Variants in KHDRBS2 observed in about 807,000 individuals in gnomAD.
The protein encoded by KHDRBS2 is KH RNA binding domain containing, signal transduction associated 2.
In KHDRBS2, 26 loss-of-function variants were observed where a neutral mutation model predicts 44.3. That is an observed-to-expected ratio of 0.59 (90% CI 0.43 to 0.81). KHDRBS2 has a LOEUF of 0.81. KHDRBS2 is among the 40% of genes least tolerant of loss of function. The probability of loss-of-function intolerance (pLI) is 0.00; values close to 1 mark genes in which losing one functional copy is unlikely to be tolerated. For synonymous variants in KHDRBS2, 194 were observed against 151.1 expected, an observed-to-expected ratio of 1.28 and a Z score of -2.08; for missense variants, 476 against 433.1, an observed-to-expected ratio of 1.10 and a Z score of -0.88.
intron 1 of KHDRBS2, among the ~76,000 whole-genome samples, chr6:62,237,569 G>T (rs1446330905): frequency 1.3e-5 from 2 of 152,176 alleles, no homozygotes; most frequent in African/African-American, 4.8e-5. Flanking sequence ...CACTTTAGAA[G>T]ATAGGTGTTT....
At chr6:61,718,311 T>A (rs1771782621) in intron 7 of KHDRBS2, among the ~76,000 whole-genome samples, 1 of 152,116 alleles carries the variant, frequency 6.6e-6, no homozygotes, top group Non-Finnish European at 1.5e-5. Flanking sequence ...CACTGTATAT[T>A]CTTTCTTTTG....
intron 7 of KHDRBS2, among the ~76,000 whole-genome samples, chr6:61,720,998 G>T (rs1200641972): frequency 6.6e-6 from 1 of 150,728 alleles, no homozygotes; most frequent in East Asian, 2.0e-4. Context: ...TCTACATATG[G>T]CTAGCCAGTT....
chr6:61,742,168 T>C (rs894128613), intron 6 of KHDRBS2, among the ~76,000 whole-genome samples: 14 of 152,014 alleles, frequency 9.2e-5, no homozygotes, highest in Non-Finnish European at 1.5e-5. Flanking sequence ...TGCCCTTTAA[T>C]ATTATTGAAT....
chr6:62,275,780 T>C (rs9454831), intron 1 of KHDRBS2, among the ~76,000 whole-genome samples: 32,973 of 152,118 alleles, frequency 0.22, 4,755 homozygotes, highest in African/African-American at 0.41. Flanking sequence ...TTCACACTTT[T>C]ATTGGACATT....
the KHDRBS2 span, among the ~76,000 whole-genome samples, chr6:61,645,477 TAAAAAC>T: frequency 6.8e-6 from 1 of 147,854 alleles, no homozygotes; most frequent in Non-Finnish European, 1.5e-5. Context: ...AAAAAAAATT[TAAAAAC>T]AAAAACATAA....
chr6:61,662,749 A>T, the KHDRBS2 span, among the ~76,000 whole-genome samples: 2 of 151,830 alleles, frequency 1.3e-5, no homozygotes, highest in South Asian at 2.1e-4. Flanking sequence ...GTCAGGAAAC[A>T]ACAGGTGCTG....
chr6:62,139,979 C>A (rs1171098171), intron 2 of KHDRBS2, among the ~76,000 whole-genome samples: 1 of 148,498 alleles, frequency 6.7e-6, no homozygotes, highest in East Asian at 2.1e-4. Context: ...ATTTTATTTA[C>A]TTTCAAATAT....
chr6:61,985,151 A>G (rs1174180136), intron 3 of KHDRBS2, among the ~76,000 whole-genome samples: 1 of 152,202 alleles, frequency 6.6e-6, no homozygotes, highest in Non-Finnish European at 1.5e-5. Context: ...TATAAATATA[A>G]TGCTTACTCT....
At chr6:61,720,285 A>G (rs777324002) in intron 7 of KHDRBS2, among the ~76,000 whole-genome samples, 1 of 152,172 alleles carries the variant, frequency 6.6e-6, no homozygotes, top group Admixed American at 6.5e-5. Context: ...TCCTTTGGGT[A>G]TATAACCAGT....
chr6:62,075,114 T>C (rs1457032765), intron 2 of KHDRBS2, among the ~76,000 whole-genome samples: 1 of 151,918 alleles, frequency 6.6e-6, no homozygotes, highest in Non-Finnish European at 1.5e-5. Flanking sequence ...TTTTAACTCT[T>C]ATGCTATGGT....
At chr6:61,915,667 C>G (rs949461727) in intron 4 of KHDRBS2, among the ~76,000 whole-genome samples, 2 of 151,926 alleles carry the variant, frequency 1.3e-5, no homozygotes, top group African/African-American at 4.8e-5. Flanking sequence ...GTGAGGGAAA[C>G]AGAAAAGAAT....
At chr6:61,553,128 T>G in the KHDRBS2 span, among the ~76,000 whole-genome samples, 1 of 152,216 alleles carries the variant, frequency 6.6e-6, no homozygotes, top group African/African-American at 2.4e-5. Context: ...GTTCATCTGG[T>G]TCTGGGCTTT....
chr6:61,822,985 A>G (rs1157905239), intron 6 of KHDRBS2, among the ~76,000 whole-genome samples: 2 of 152,004 alleles, frequency 1.3e-5, no homozygotes, highest in Non-Finnish European at 2.9e-5. Flanking sequence ...CACCATTCCT[A>G]TGTGGGTAGT....
chr6:62,211,521 C>T (rs941483643), intron 1 of KHDRBS2, among the ~76,000 whole-genome samples: 15 of 152,010 alleles, frequency 9.9e-5, no homozygotes, highest in South Asian at 8.3e-4. Context: ...TAACATTATA[C>T]GAGGATTAAT....
chr6:62,154,402 T>A (rs1204838727), intron 2 of KHDRBS2, among the ~76,000 whole-genome samples: 1 of 152,196 alleles, frequency 6.6e-6, no homozygotes, highest in Admixed American at 6.5e-5. Context: ...TTCACCAAAG[T>A]GATTTTATAG....
intron 3 of KHDRBS2, among the ~76,000 whole-genome samples, chr6:62,030,597 A>G (rs1784174012): frequency 6.6e-6 from 1 of 152,122 alleles, no homozygotes; most frequent in Admixed American, 6.6e-5. Context: ...TGAATAATTA[A>G]GAAGAGTCTT....
At chr6:62,265,157 G>T (rs1838986362) in intron 1 of KHDRBS2, among the ~76,000 whole-genome samples, 1 of 151,784 alleles carries the variant, frequency 6.6e-6, no homozygotes, top group Non-Finnish European at 1.5e-5. Flanking sequence ...GATGCAATGG[G>T]GACCCTCGGA....
intron 3 of KHDRBS2, among the ~76,000 whole-genome samples, chr6:61,988,388 A>G (rs1775470728): frequency 6.6e-6 from 1 of 152,308 alleles, no homozygotes; most frequent in South Asian, 2.1e-4. Context: ...TACTTGTTTC[A>G]TGGAACAGGG....
the KHDRBS2 span, among the ~76,000 whole-genome samples, chr6:61,569,903 A>G: frequency 6.6e-6 from 1 of 152,178 alleles, no homozygotes; most frequent in South Asian, 2.1e-4. Context: ...GAATTACCCC[A>G]TGAGACAAAA....
Sources: allele counts gnomAD v4.1 joint callset (sites outside exome capture counted in the v4.1 genomes callset), GRCh38; gene constraint gnomAD v4.1.1; transcripts MANE v1.5; gene names NCBI Gene and HGNC (gene_info 2026-07-23, HGNC 2026-07-21).